QTGAL: variants seen among roughly 807,000 people sequenced by gnomAD.
QTGAL encodes the protein queuosine-tRNA galactosyltransferase.
chr17:82,968,715 G>T, the QTGAL span, among the ~76,000 whole-genome samples: 1 of 152,234 alleles, frequency 6.6e-6, no homozygotes, highest in Admixed American at 6.5e-5. Flanking sequence ...AATTTGTCTT[G>T]TTGGCCGGGC....
chr17:83,033,567 G>A, the QTGAL span, among the ~76,000 whole-genome samples: 5 of 150,780 alleles, frequency 3.3e-5, no homozygotes, highest in African/African-American at 9.8e-5. Context: ...CGCCTCCCGG[G>A]TTCACGCCAT....
At chr17:83,051,465 GAGGA>G in the QTGAL span, among the ~76,000 whole-genome samples, 1 of 152,190 alleles carries the variant, frequency 6.6e-6, no homozygotes, top group Non-Finnish European at 1.5e-5. Flanking sequence ...GAAGGTCGGT[GAGGA>G]GGCCACGCTC....
At chr17:82,996,718 A>C in the QTGAL span, among the ~76,000 whole-genome samples, 1 of 152,200 alleles carries the variant, frequency 6.6e-6, no homozygotes, top group Admixed American at 6.5e-5. Context: ...GTGGAACAGA[A>C]TAGAGAACCC....
At chr17:83,010,559 C>T in the QTGAL span, among the ~76,000 whole-genome samples, 1 of 152,380 alleles carries the variant, frequency 6.6e-6, no homozygotes, top group East Asian at 1.9e-4. Context: ...GGGCCGTGGC[C>T]CTCCCAGGCT....
the QTGAL span, chr17:82,961,257 C>T: frequency 7.5e-5 from 114 of 1,529,910 alleles, no homozygotes; most frequent in Non-Finnish European, 9.3e-5. Context: ...ACTACACCTG[C>T]GCTCAGCCGG....
chr17:82,990,004 G>A, the QTGAL span, among the ~76,000 whole-genome samples: 2 of 152,164 alleles, frequency 1.3e-5, no homozygotes, highest in African/African-American at 4.8e-5. Flanking sequence ...TTTAAGACAT[G>A]GCTTCCTTGG....
chr17:82,969,782 C>T, the QTGAL span, among the ~76,000 whole-genome samples: 2 of 152,284 alleles, frequency 1.3e-5, no homozygotes, highest in Admixed American at 1.3e-4. Context: ...CCGGCTCAAG[C>T]GCTCCTCCTG....
At chr17:83,008,070 AAG>A in the QTGAL span, among the ~76,000 whole-genome samples, 5 of 152,138 alleles carry the variant, frequency 3.3e-5, no homozygotes, top group South Asian at 1.0e-3. Flanking sequence ...GCACGCTCTC[AAG>A]AGGAGGAGGA....
the QTGAL span, chr17:82,961,407 C>T: frequency 2.3e-5 from 7 of 304,848 alleles, no homozygotes; most frequent in South Asian, 5.2e-5. Flanking sequence ...GGAGGGTGGG[C>T]TGGGTCTTGG....
the QTGAL span, chr17:83,051,675 C>T: frequency 1.1e-4 from 145 of 1,379,316 alleles, 1 homozygote; most frequent in Middle Eastern, 2.6e-3. Flanking sequence ...GACTGGAGGG[C>T]GGGGTGAGGG....
At chr17:82,952,137 CGTT>C in the QTGAL span, among the ~76,000 whole-genome samples, 1 of 152,240 alleles carries the variant, frequency 6.6e-6, no homozygotes, top group East Asian at 1.9e-4. Context: ...GCTCTGCTCA[CGTT>C]GTTCTGCCTG....
chr17:83,019,683 T>C, the QTGAL span, among the ~76,000 whole-genome samples: 4 of 152,388 alleles, frequency 2.6e-5, no homozygotes, highest in Middle Eastern at 0.01. Flanking sequence ...TTTTATGTTA[T>C]ATACATTTTA....
chr17:82,980,361 G>A, the QTGAL span, among the ~76,000 whole-genome samples: 1 of 152,158 alleles, frequency 6.6e-6, no homozygotes, highest in East Asian at 1.9e-4. Context: ...CAAACCATCA[G>A]TTCTGGAGTA....
the QTGAL span, among the ~76,000 whole-genome samples, chr17:83,009,570 C>T: frequency 6.6e-6 from 1 of 152,202 alleles, no homozygotes; most frequent in African/African-American, 2.4e-5. Context: ...GTCAGGGCTG[C>T]TGGGGCTGCA....
the QTGAL span, among the ~76,000 whole-genome samples, chr17:82,972,522 A>G: frequency 8.5e-6 from 1 of 117,860 alleles, no homozygotes; most frequent in South Asian, 3.0e-4. Flanking sequence ...GGCCAGAAGG[A>G]CCTGGTGCCG....
the QTGAL span, among the ~76,000 whole-genome samples, chr17:82,983,709 G>A: frequency 6.6e-6 from 1 of 152,372 alleles, no homozygotes; most frequent in Admixed American, 6.5e-5. Context: ...CCGTTATGCA[G>A]CCCTAGAGCG....
chr17:83,050,665 T>G, the QTGAL span, among the ~76,000 whole-genome samples: 1 of 152,226 alleles, frequency 6.6e-6, no homozygotes, highest in Non-Finnish European at 1.5e-5. Flanking sequence ...TGCATCGGCC[T>G]ATTGGCTGGG....
chr17:82,983,665 T>C, the QTGAL span, among the ~76,000 whole-genome samples: 1 of 152,154 alleles, frequency 6.6e-6, no homozygotes, highest in South Asian at 2.1e-4. Context: ...CCAGGAACAG[T>C]CGCACAGCAG....
chr17:82,989,599 A>C, the QTGAL span, among the ~76,000 whole-genome samples: 1 of 152,204 alleles, frequency 6.6e-6, no homozygotes, highest in Non-Finnish European at 1.5e-5. Flanking sequence ...ATGTACAAAA[A>C]GGACATCTTT....
Sources: allele counts gnomAD v4.1 joint callset (sites outside exome capture counted in the v4.1 genomes callset), GRCh38; gene constraint gnomAD v4.1.1; transcripts MANE v1.5; gene names NCBI Gene and HGNC (gene_info 2026-07-23, HGNC 2026-07-21).